DPP10: variants seen among roughly 807,000 people sequenced by gnomAD.
The protein encoded by DPP10 is inactive dipeptidyl peptidase 10.
Under a neutral mutation model 120.9 loss-of-function variants are expected in DPP10, and 33 were observed. The observed-to-expected ratio is 0.27, with a 90% CI of 0.21 to 0.37. The LOEUF (loss-of-function observed/expected upper bound fraction) is 0.37, where lower values mean the gene tolerates loss of function less well. Among genes scored for constraint, DPP10 ranks in the 10% least tolerant of loss-of-function variants. The pLI, the probability that DPP10 is intolerant of heterozygous loss-of-function variation, is 1.00. For missense variants in DPP10, 816 were observed against 942.8 expected, an observed-to-expected ratio of 0.87 and a Z score of 1.76; for synonymous variants, 337 against 326.1, an observed-to-expected ratio of 1.03 and a Z score of -0.36.
chr2:115,680,126 T>G (rs191709354), intron 5 of DPP10, among the ~76,000 whole-genome samples: 1 of 152,116 alleles, frequency 6.6e-6, no homozygotes, highest in Non-Finnish European at 1.5e-5. Flanking sequence ...TGTACAATTT[T>G]ATGTCACTCA....
chr2:115,305,068 T>G (rs2061306169), intron 1 of DPP10, among the ~76,000 whole-genome samples: 1 of 152,100 alleles, frequency 6.6e-6, no homozygotes, highest in South Asian at 2.1e-4. Context: ...TTTCAACTGA[T>G]GCATCCATCC....
chr2:114,959,874 G>A (rs1291785472), intron 1 of DPP10, among the ~76,000 whole-genome samples: 1 of 152,118 alleles, frequency 6.6e-6, no homozygotes, highest in East Asian at 1.9e-4. Context: ...CTTTGTTGTA[G>A]AAACATCCAT....
chr2:114,715,165 G>T (rs1191190698), intron 1 of DPP10, among the ~76,000 whole-genome samples: 1 of 152,084 alleles, frequency 6.6e-6, no homozygotes, highest in Non-Finnish European at 1.5e-5. Context: ...ATGACAAGAG[G>T]CCCTGATCCC....
intron 1 of DPP10, among the ~76,000 whole-genome samples, chr2:114,473,440 T>A (rs1573429914): frequency 6.6e-6 from 1 of 152,224 alleles, no homozygotes; most frequent in African/African-American, 2.4e-5. Context: ...ACCCAATGTG[T>A]CCTGCTGAAA....
At chr2:115,339,887 A>G (rs187662008) in intron 2 of DPP10, among the ~76,000 whole-genome samples, 1 of 152,332 alleles carries the variant, frequency 6.6e-6, no homozygotes, top group African/African-American at 2.4e-5. Flanking sequence ...GTCACCTGTG[A>G]TGCAGTTGCG....
chr2:115,742,114 G>A (rs1575651027), intron 9 of DPP10, among the ~76,000 whole-genome samples: 1 of 151,638 alleles, frequency 6.6e-6, no homozygotes, highest in African/African-American at 2.4e-5. Flanking sequence ...TTCTTATTTG[G>A]TCTTTATCAC....
intron 7 of DPP10, among the ~76,000 whole-genome samples, chr2:115,712,544 A>ATATATATATATATATATATATATG (rs1553486154): frequency 4.9e-4 from 43 of 88,438 alleles, no homozygotes; most frequent in African/African-American, 1.6e-3. Context: ...CCTGAATTAA[A>ATATATATATATATATATATATATG]TATATATATA....
chr2:115,619,857 A>G (rs2084814344), intron 5 of DPP10, among the ~76,000 whole-genome samples: 1 of 152,224 alleles, frequency 6.6e-6, no homozygotes, highest in Non-Finnish European at 1.5e-5. Context: ...AGAGTTGCTT[A>G]TTTGAGTAGA....
At chr2:115,804,599 A>T (rs1022728421) in intron 19 of DPP10, among the ~76,000 whole-genome samples, 1 of 151,980 alleles carries the variant, frequency 6.6e-6, no homozygotes, top group Non-Finnish European at 1.5e-5. Context: ...TGATGTACAG[A>T]TGGGTTTTTG....
rs1270615254 is a variant in DPP10 at position 115,475,547 on chromosome 2, C to T, written c.272-23963C>T. 3.9e-5 allele frequency among the ~76,000 whole-genome samples: 6 copies of T among 152,186 alleles called. No individual in the cohort carries two copies. The East Asian group carries it at 1.2e-3, about 29-fold the overall frequency. On this transcript the variant is annotated intron_variant, in intron 3 of 25. Coordinates refer to ENST00000410059, the MANE Select transcript of DPP10 (RefSeq NM_020868.6). ...TGGGGTTGGAGTCCCCACACAGAATCCCCAGTGGAGGACTGTCTAGTGGAG... is the reference window on the plus strand; with the variant it reads ...TGGGGTTGGAGTCCCCACACAGAATTCCCAGTGGAGGACTGTCTAGTGGAG...
intron 1 of DPP10, among the ~76,000 whole-genome samples, chr2:114,445,077 CTA>C (rs772434317): frequency 2.6e-4 from 39 of 152,182 alleles, no homozygotes; most frequent in Middle Eastern, 3.4e-3. Context: ...AAGAAAAACT[CTA>C]AGATGAGAGG....
chr2:114,965,744 C>T (rs962355870), intron 1 of DPP10, among the ~76,000 whole-genome samples: 78 of 151,394 alleles, frequency 5.2e-4, no homozygotes, highest in African/African-American at 1.4e-3. Flanking sequence ...TTTGGGAGGC[C>T]GAGGTGGGCG....
chr2:114,901,371 T>C (rs1574452224), intron 1 of DPP10, among the ~76,000 whole-genome samples: 1 of 152,136 alleles, frequency 6.6e-6, no homozygotes, highest in South Asian at 2.1e-4. Flanking sequence ...CTAATTTTTG[T>C]ATTTTTAATA....
intron 1 of DPP10, among the ~76,000 whole-genome samples, chr2:114,615,423 G>A (rs987146556): frequency 7.9e-5 from 12 of 152,056 alleles, no homozygotes; most frequent in African/African-American, 2.9e-4. Context: ...ATAGAGTTAA[G>A]CAGTTTGAAT....
intron 1 of DPP10, among the ~76,000 whole-genome samples, chr2:114,943,535 G>A (rs1230814241): frequency 6.6e-6 from 1 of 152,090 alleles, no homozygotes; most frequent in Non-Finnish European, 1.5e-5. Flanking sequence ...GCCTCCCAAA[G>A]TGTTGGGATT....
intron 1 of DPP10, among the ~76,000 whole-genome samples, chr2:114,483,450 A>G (rs190413766): frequency 6.6e-6 from 1 of 152,048 alleles, no homozygotes; most frequent in African/African-American, 2.4e-5. Flanking sequence ...AAATAATCGT[A>G]TTCTTTTTTT....
rs539673846 is a variant in DPP10 at position 115,006,807 on chromosome 2, A to G, written c.61-302432A>G. Among the ~76,000 whole-genome samples, 392 of 151,966 alleles carry G rather than the reference A, an allele frequency of 2.6e-3. 8 individuals carry two copies. Among genetic ancestry groups the G allele is most frequent in the Admixed American group, 0.023 (347 of 15,230 alleles). ...CCCCACTGTCAACATTAGACAGATC[A>G]ATGAGACAGAAAGTCAACAAGGATA... On this transcript the variant is annotated intron_variant, in intron 1 of 25. Coordinates refer to ENST00000410059, the MANE Select transcript of DPP10 (RefSeq NM_020868.6).
At chr2:115,583,756 A>G (rs1553454941) in intron 5 of DPP10, among the ~76,000 whole-genome samples, 1 of 152,102 alleles carries the variant, frequency 6.6e-6, no homozygotes, top group Non-Finnish European at 1.5e-5. Context: ...AGGGAGAAAA[A>G]CATCACCAAA....
intron 1 of DPP10, among the ~76,000 whole-genome samples, chr2:114,935,409 G>A (rs1417126431): frequency 1.3e-5 from 2 of 152,120 alleles, no homozygotes; most frequent in Non-Finnish European, 2.9e-5. Context: ...TGCCCATTAG[G>A]CATTTAAATG....
Sources: gnomAD v4.1 joint callset for allele counts (sites outside exome capture counted in the v4.1 genomes callset) on GRCh38, gnomAD v4.1.1 for gene constraint, MANE v1.5 for transcripts, NCBI Gene and HGNC (gene_info 2026-07-23, HGNC 2026-07-21) for gene names.